BCAS3: variants seen among roughly 807,000 people sequenced by gnomAD.
BCAS3 encodes BCAS3 microtubule associated cell migration factor.
A neutral mutation model predicts 116.1 loss-of-function variants in BCAS3; 53 were observed. The ratio of observed to expected loss-of-function variants is 0.46; its 90% CI spans 0.37 to 0.57. The LOEUF (loss-of-function observed/expected upper bound fraction) is 0.57, where lower values mean the gene tolerates loss of function less well. BCAS3 is among the 20% of genes least tolerant of loss of function. The pLI is 0.00. For synonymous variants in BCAS3, 391 were observed against 408.2 expected (o/e 0.96, Z 0.51); for missense variants, 917 against 1,165.4 (o/e 0.79, Z 3.10).
In BCAS3 at chr17:60,723,717, T is replaced by C. The variant is rs75936876; in HGVS notation, c.321+14392T>C. 1.6e-3 allele frequency among the ~76,000 whole-genome samples: 183 copies of C among 117,868 alleles called. 2 individuals carry two copies. The highest frequency in any genetic ancestry group is 6.7e-3 in the African/African-American group (154 of 23,054). 77.3% of individuals were successfully genotyped at this position (117,868 alleles called of 152,430 possible). On this transcript the variant is annotated intron_variant, in intron 5 of 23. Transcript: ENST00000407086. ...TTACTTTTTCACTTTCTTTCTTTTT[T>C]TTTTTTTTTTTTTTTTTTTGAGATG...
intron 19 of BCAS3, among the ~76,000 whole-genome samples, chr17:61,059,015 T>G (rs980771748): frequency 1.3e-5 from 2 of 150,582 alleles, no homozygotes; most frequent in African/African-American, 2.4e-5. Flanking sequence ...ACTTGCTATC[T>G]GTACAGCTTT....
In BCAS3 at chr17:61,333,115, C is replaced by T. The variant is rs1266744211; in HGVS notation, c.2426-35212C>T. Among the ~76,000 whole-genome samples, 1 of 152,256 alleles carries T rather than the reference C, an allele frequency of 6.6e-6. No homozygotes were observed. The highest frequency in any genetic ancestry group is 2.4e-5 in the African/African-American group (1 of 41,464). The stretch of plus-strand genomic sequence containing the variant: ...TAGACCCCAGCAAGGTGCTTTCTCC[C>T]TGGACCCCACTCACACCTATTTCTG... On this transcript the variant is annotated intron_variant, in intron 22 of 23. Coordinates refer to ENST00000407086, the MANE Select transcript of BCAS3 (RefSeq NM_017679.5). This position sits in a 1 kb window ranked among gnomAD's most constrained non-coding sequence, Gnocchi z 4.8.
intron 22 of BCAS3, among the ~76,000 whole-genome samples, chr17:61,182,851 T>C (rs894479873): frequency 1.3e-5 from 2 of 152,260 alleles, no homozygotes; most frequent in African/African-American, 4.8e-5. Context: ...GTCAGCACTT[T>C]GTTCTTGTGG....
intron 3 of BCAS3, among the ~76,000 whole-genome samples, chr17:60,687,707 A>G (rs911752656): frequency 4.1e-4 from 62 of 152,156 alleles, no homozygotes; most frequent in African/African-American, 1.4e-3. Context: ...TGAGAATAAA[A>G]TATCTAAGCA....
Position 61,017,677 on chromosome 17 carries a change from G to A in BCAS3, c.1637+1776G>A, listed in dbSNP as rs1213762010. On this transcript the variant is annotated intron_variant, in intron 16 of 23. Transcript: ENST00000407086. This position sits in a 1 kb window ranked among gnomAD's most constrained non-coding sequence, Gnocchi z 4.7. ...TCTCTGAAATAGTAACTGAAGTTTA[G>A]TGCATAAAATGATATGATGTTAGAA... 6.6e-6 allele frequency among the ~76,000 whole-genome samples: 1 copy of A among 152,130 alleles called. No homozygotes were observed. Among genetic ancestry groups the A allele is most frequent in the Non-Finnish European group, 1.5e-5 (1 of 68,006 alleles).
intron 7 of BCAS3, among the ~76,000 whole-genome samples, chr17:60,842,680 T>A (rs1338555514): frequency 6.6e-6 from 1 of 152,164 alleles, no homozygotes; most frequent in Admixed American, 6.6e-5. Context: ...ATTTGCTTAC[T>A]CCTGAGTGTG....
At position 60,956,334 on chromosome 17, in the gene BCAS3, T is replaced by C. The variant is rs1160936484; in HGVS notation, c.1221+8982T>C. On this transcript the variant is annotated intron_variant, in intron 14 of 23. Coordinates refer to ENST00000407086, the MANE Select transcript of BCAS3 (RefSeq NM_017679.5). The surrounding 1 kb of genome is among the most constrained non-coding windows in gnomAD (Gnocchi z 4.2). ...AATTATTATTTGTTTTTGTCTCTTT[T>C]GTATGGAAGTTTTAAATTTGATGAG... 6.6e-6 allele frequency among the ~76,000 whole-genome samples: 1 copy of C among 152,202 alleles called. No individual in the cohort carries two copies. Among genetic ancestry groups the C allele is most frequent in the Admixed American group, 6.5e-5 (1 of 15,278 alleles).
In BCAS3 at chr17:61,034,811, A is replaced by G. The variant is rs1377907463; in HGVS notation, c.1762+21A>G. The G allele has an allele frequency of 6.3e-7, 1 of 1,580,134 alleles. No individual in the cohort carries two copies. Among genetic ancestry groups the G allele is most frequent in the East Asian group, 2.3e-5 (1 of 43,934 alleles). On this transcript the variant is annotated intron_variant, in intron 17 of 23. Transcript: ENST00000407086. This position sits in a 1 kb window ranked among gnomAD's most constrained non-coding sequence, Gnocchi z 5.0. ...AAAAGGTATGTATTTTTACTGAAAA[A>G]TGAATGCTCTATTTGTAATTTTTGC...
At chr17:60,889,471 T>G (rs770336973) in intron 9 of BCAS3, among the ~76,000 whole-genome samples, 1 of 152,216 alleles carries the variant, frequency 6.6e-6, no homozygotes, top group Non-Finnish European at 1.5e-5. Context: ...TCTTTCCAGA[T>G]TTGTTTCTTA....
intron 22 of BCAS3, among the ~76,000 whole-genome samples, chr17:61,289,815 A>G (rs2052209080): frequency 6.6e-6 from 1 of 152,266 alleles, no homozygotes; most frequent in African/African-American, 2.4e-5. Flanking sequence ...ACAGAGACTA[A>G]TAACTGTTTA....
chr17:60,761,292 C>T (rs2043502224), intron 6 of BCAS3, among the ~76,000 whole-genome samples: 1 of 151,844 alleles, frequency 6.6e-6, no homozygotes, highest in Admixed American at 6.6e-5. Context: ...ATACATGTGC[C>T]GTGTTGGTTT....
In BCAS3 at chr17:61,362,455, C is replaced by A. The variant is rs941952683; in HGVS notation, c.2426-5872C>A. Reference sequence around the variant, plus strand: ...CGCAAAGCGGAGGCTGTGCCACAGTCTCTTAAATAGCTAGAGTGTGATTAG... The same window carrying A: ...CGCAAAGCGGAGGCTGTGCCACAGTATCTTAAATAGCTAGAGTGTGATTAG... On this transcript the variant is annotated intron_variant, in intron 22 of 23. Transcript: ENST00000407086. This position sits in a 1 kb window ranked among gnomAD's most constrained non-coding sequence, Gnocchi z 4.4. 3.3e-5 allele frequency among the ~76,000 whole-genome samples: 5 copies of A among 152,214 alleles called. No homozygotes were observed. The highest frequency in any genetic ancestry group is 9.7e-5 in the African/African-American group (4 of 41,450).
At position 61,008,208 on chromosome 17, in the gene BCAS3, G is replaced by A. The variant is rs2064854887; in HGVS notation, c.1487-7543G>A. On this transcript the variant is annotated intron_variant, in intron 15 of 23. Coordinates refer to ENST00000407086, the MANE Select transcript of BCAS3 (RefSeq NM_017679.5). The surrounding 1 kb of genome is among the most constrained non-coding windows in gnomAD (Gnocchi z 4.6). ...TTTCCTTTTCCGACTTGAGTAGATT[G>A]CAGATTATACTGGAACATGCCTGAG... Among the ~76,000 whole-genome samples the A allele has an allele frequency of 6.6e-6, 1 of 152,014 alleles. No homozygotes were observed. The highest frequency in any genetic ancestry group is 1.5e-5 in the Non-Finnish European group (1 of 67,980).
In BCAS3 at chr17:60,965,472, C is replaced by T. The variant is rs569631642; in HGVS notation, c.1221+18120C>T. On this transcript the variant is annotated intron_variant, in intron 14 of 23. Transcript: ENST00000407086. ...TCTGACCTCAAGTGATCTGCCCCCT[C>T]GGCTTACCAAAGTGCTGGGATTACA... 7.2e-5 allele frequency among the ~76,000 whole-genome samples: 11 copies of T among 152,132 alleles called. 1 individual carries two copies. The highest frequency in any genetic ancestry group is 3.9e-4 in the East Asian group (2 of 5,174).
At chr17:61,172,224 A>C (rs1007761301) in intron 22 of BCAS3, among the ~76,000 whole-genome samples, 7 of 152,256 alleles carry the variant, frequency 4.6e-5, no homozygotes, top group African/African-American at 1.4e-4. Context: ...AGGAGATAGA[A>C]TATTTAGAAT....
rs2037550468 is a variant in BCAS3 at position 60,709,199 on chromosome 17, G to T, written c.215-20G>T. 4 of 1,279,050 alleles carry T rather than the reference G, an allele frequency of 3.1e-6. No homozygotes were observed. The highest frequency in any genetic ancestry group is 2.2e-6 in the Non-Finnish European group (2 of 890,098). 79.2% of individuals were successfully genotyped at this position (1,279,050 alleles called of 1,614,324 possible). On this transcript the variant is annotated intron_variant, in intron 4 of 23. Transcript: ENST00000407086. ...TTATGTCTTTTAAATTTGCTTCTTT[G>T]TTACTTAATTCTAATGCAGATACAT...
intron 5 of BCAS3, among the ~76,000 whole-genome samples, chr17:60,722,236 T>A (rs1333925517): frequency 6.6e-6 from 1 of 152,192 alleles, no homozygotes; most frequent in Non-Finnish European, 1.5e-5. Flanking sequence ...CTCATTTGTC[T>A]TGGGTGTTGA....
rs187505636 is a variant in BCAS3, at chr17:61,204,573, G to T, written c.2425+120009G>T. Among the ~76,000 whole-genome samples, 2 of 152,236 alleles carry T rather than the reference G, an allele frequency of 1.3e-5. No individual in the cohort carries two copies. The highest frequency in any genetic ancestry group is 4.8e-5 in the African/African-American group (2 of 41,554). ...CATCATTGTAACTTTCTTAAAAACA[G>T]AATTTATAGCCCCTTTATTAAATAT... On this transcript the variant is annotated intron_variant, in intron 22 of 23. Transcript: ENST00000407086. This position sits in a 1 kb window ranked among gnomAD's most constrained non-coding sequence, Gnocchi z 4.2.
intron 12 of BCAS3, among the ~76,000 whole-genome samples, chr17:60,915,457 T>G (rs1224512862): frequency 1.3e-5 from 2 of 151,982 alleles, no homozygotes; most frequent in African/African-American, 4.8e-5. Flanking sequence ...TCTAAACTGT[T>G]TCATCAACGC....
Sources: gnomAD v4.1 joint callset for allele counts (sites outside exome capture counted in the v4.1 genomes callset) on GRCh38, gnomAD v4.1.1 for gene constraint, Gnocchi (gnomAD v3.1) non-coding constraint, MANE v1.5 for transcripts, NCBI Gene and HGNC (gene_info 2026-07-23, HGNC 2026-07-21) for gene names.